PCDHGA4: variants seen among roughly 807,000 people sequenced by gnomAD.
PCDHGA4 encodes protocadherin gamma subfamily A, 4, also known as protocadherin gamma-A4.
PCDHGA4 carries 38 observed loss-of-function variants against 54.6 expected under a neutral mutation model. That is an observed-to-expected ratio of 0.70 (90% CI 0.54 to 0.91). The LOEUF (loss-of-function observed/expected upper bound fraction) is 0.91, where lower values mean the gene tolerates loss of function less well. PCDHGA4 is among the 40% of genes least tolerant of loss of function. The probability of loss-of-function intolerance (pLI) is 0.00; values close to 1 mark genes in which losing one functional copy is unlikely to be tolerated. For synonymous variants in PCDHGA4, 511 were observed against 512.9 expected, an observed-to-expected ratio of 1.00 and a Z score of 0.05; for missense variants, 1,298 against 1,220.9, an observed-to-expected ratio of 1.06 and a Z score of -0.94.
At chr5:141,455,360 A>C (rs2098820130) in intron 1 of PCDHGA4, among the ~76,000 whole-genome samples, 1 of 152,112 alleles carries the variant, frequency 6.6e-6, no homozygotes, top group Non-Finnish European at 1.5e-5. Context: ...TTAATAGGCA[A>C]GAAGGAAGGG....
intron 1 of PCDHGA4, chr5:141,428,598 C>T (rs2097150047): frequency 4.5e-6 from 1 of 224,296 alleles, no homozygotes; most frequent in African/African-American, 2.3e-5. Context: ...TAGCAAGCTT[C>T]ACTGAAGAGA....
intron 1 of PCDHGA4, among the ~76,000 whole-genome samples, chr5:141,444,872 G>T (rs2098449555): frequency 6.6e-6 from 1 of 152,120 alleles, no homozygotes. Context: ...ACAGGACAAA[G>T]CTTGTAGGAT....
At chr5:141,408,297 C>G in intron 1 of PCDHGA4, 1 of 1,613,652 alleles carries the variant, frequency 6.2e-7, no homozygotes, top group East Asian at 2.2e-5. Flanking sequence ...CTGAGTGAGC[C>G]GATCCGCTAC....
chr5:141,361,643 C>T, intron 1 of PCDHGA4: 1 of 1,613,858 alleles, frequency 6.2e-7, no homozygotes, highest in Non-Finnish European at 8.5e-7. Context: ...GAGATTTTAT[C>T]CTACGTGTCC....
At chr5:141,413,117 C>T (rs902301902) in intron 1 of PCDHGA4, 42 of 1,509,002 alleles carry the variant, frequency 2.8e-5, no homozygotes, top group Non-Finnish European at 3.6e-5. Flanking sequence ...ACAAAGGAAC[C>T]GGTTGAAACA....
chr5:141,440,527 T>G (rs1282939317), intron 1 of PCDHGA4: 3 of 152,222 alleles, frequency 2.0e-5, no homozygotes, highest in African/African-American at 7.2e-5. Context: ...TGAAGAATCA[T>G]GCACCACGGT....
At chr5:141,405,868 C>T (rs528188485) in intron 1 of PCDHGA4, among the ~76,000 whole-genome samples, 1 of 152,280 alleles carries the variant, frequency 6.6e-6, no homozygotes, top group Non-Finnish European at 1.5e-5. Context: ...TCACTTTTCA[C>T]TGGGCCTAAT....
intron 1 of PCDHGA4, chr5:141,428,464 G>A (rs904800167): frequency 1.1e-4 from 37 of 344,652 alleles, no homozygotes; most frequent in African/African-American, 6.3e-4. Context: ...CTACAATGAG[G>A]GAACTTTGCT....
rs772195653 is a variant in PCDHGA4 at position 141,477,704 on chromosome 5, C to A, written c.2515-17103C>A. On this transcript the variant is annotated intron_variant, in intron 1 of 3. Transcript: ENST00000571252. The surrounding 1 kb of genome is among the most constrained non-coding windows in gnomAD (Gnocchi z 4.9). ...CTTAGTGCCCCTAGACTATGAGGAT[C>A]GGCGGGAATTTGAATTAACAGCTCA... The A allele has an allele frequency of 5.0e-6, 8 of 1,613,850 alleles. No individual in the cohort carries two copies. Among genetic ancestry groups the A allele is most frequent in the Non-Finnish European group, 5.9e-6 (7 of 1,180,046 alleles).
intron 1 of PCDHGA4, chr5:141,428,021 C>T: frequency 1.2e-6 from 2 of 1,605,604 alleles, no homozygotes; most frequent in Non-Finnish European, 1.7e-6. Context: ...TGCCACGCGC[C>T]GCAGAGTCCG....
At position 141,490,516 on chromosome 5, in the gene PCDHGA4, G is replaced by T. The variant is rs768123119; in HGVS notation, c.2515-4291G>T. The T allele has an allele frequency of 6.2e-7, 1 of 1,613,828 alleles. No individual in the cohort carries two copies. The highest frequency in any genetic ancestry group is 2.2e-5 in the East Asian group (1 of 44,864). On this transcript the variant is annotated intron_variant, in intron 1 of 3. Transcript: ENST00000571252. This position sits in a 1 kb window ranked among gnomAD's most constrained non-coding sequence, Gnocchi z 5.4. ...ATCCCACTATATCATCGAGCTGCTG[G>T]CCAGCGATGCTGGTTCACCTTCCCT... is the stretch of plus-strand genomic sequence containing the variant.
rs1591094034 is a variant in PCDHGA4 at position 141,431,659 on chromosome 5, A to T, written c.2515-63148A>T. 3.7e-6 allele frequency: 6 copies of T among 1,614,246 alleles called. No individual in the cohort carries two copies. The highest frequency in any genetic ancestry group is 3.4e-6 in the Non-Finnish European group (4 of 1,180,036). On this transcript the variant is annotated intron_variant, in intron 1 of 3. Coordinates refer to ENST00000571252, the MANE Select transcript of PCDHGA4 (RefSeq NM_018917.4). This position sits in a 1 kb window ranked among gnomAD's most constrained non-coding sequence, Gnocchi z 4.8. ...TCAAACTAGATTGTAATTCAGGGAC[A>T]ATATCAACAATAGGGGAGTTGGACC...
intron 1 of PCDHGA4, among the ~76,000 whole-genome samples, chr5:141,454,658 G>A (rs961640658): frequency 7.2e-5 from 11 of 151,812 alleles, no homozygotes; most frequent in Admixed American, 6.6e-5. Context: ...TGCCCACCTC[G>A]GCCTCCCAAA....
intron 1 of PCDHGA4, among the ~76,000 whole-genome samples, chr5:141,436,469 G>A (rs376024456): frequency 6.6e-6 from 1 of 152,304 alleles, no homozygotes; most frequent in East Asian, 1.9e-4. Flanking sequence ...ATTTTCAGAT[G>A]TATCATAGAA....
At position 141,385,367 on chromosome 5, in the gene PCDHGA4, A is replaced by G. The variant is rs764038151; in HGVS notation, c.2514+27746A>G. 2.0e-5 allele frequency: 31 copies of G among 1,536,828 alleles called. 1 individual carries two copies. In the South Asian group the frequency reaches 3.9e-4, roughly 19 times the overall value. On this transcript the variant is annotated intron_variant, in intron 1 of 3. Coordinates refer to ENST00000571252, the MANE Select transcript of PCDHGA4 (RefSeq NM_018917.4). ...TTATTTCCATGAGGAATTTATTTGCATGATATTTCTCTATTATTTTGCAAA... is the reference window on the plus strand; with the variant it reads ...TTATTTCCATGAGGAATTTATTTGCGTGATATTTCTCTATTATTTTGCAAA...
At chr5:141,475,161 A>G (rs1433985907) in intron 1 of PCDHGA4, among the ~76,000 whole-genome samples, 1 of 152,138 alleles carries the variant, frequency 6.6e-6, no homozygotes, top group Non-Finnish European at 1.5e-5. Context: ...CTTCTTCATT[A>G]GCAGTGCAAC....
At chr5:141,480,652 A>C (rs1488188393) in intron 1 of PCDHGA4, among the ~76,000 whole-genome samples, 4 of 152,220 alleles carry the variant, frequency 2.6e-5, no homozygotes, top group Non-Finnish European at 5.9e-5. Context: ...TTGGTTGCAC[A>C]TTAAAATCAC....
Position 141,355,168 on chromosome 5 carries a change from C to G in PCDHGA4, c.61C>G (p.Pro21Ala), listed in dbSNP as rs767745541. The change falls in exon 1 of 4, where the codon CCG becomes GCG. Residue 21 changes from proline (P) to alanine (A), a missense_variant. Transcript: ENST00000571252. ...TCCTCAGGCCTCGACAGAGGGAAAA[C>G]CGAAGCACAGGCGACTCCGCGGCGG... ...GAPQASTEGK[P>A]KHRRLRGGVV... The G allele has an allele frequency of 1.3e-6, 2 of 1,568,276 alleles. No individual in the cohort carries two copies. The highest frequency in any genetic ancestry group is 1.8e-5 in the Admixed American group (1 of 54,112).
At position 141,432,349 on chromosome 5, in the gene PCDHGA4, G is replaced by T; in HGVS notation, c.2515-62458G>T. On this transcript the variant is annotated intron_variant, in intron 1 of 3. Transcript: ENST00000571252. This position sits in a 1 kb window ranked among gnomAD's most constrained non-coding sequence, Gnocchi z 6.0. Reference sequence around the variant, plus strand: ...ACGAGCAGTTCCGAGACTTGCAAGTGAAAGTGATGGCGCGGGACAACGGGC... The same window carrying T: ...ACGAGCAGTTCCGAGACTTGCAAGTTAAAGTGATGGCGCGGGACAACGGGC... 4 of 1,614,240 alleles carry T rather than the reference G, an allele frequency of 2.5e-6. No homozygotes were observed. Among genetic ancestry groups the T allele is most frequent in the Non-Finnish European group, 1.7e-6 (2 of 1,180,046 alleles).
Sources: gnomAD v4.1 joint callset for allele counts (sites outside exome capture counted in the v4.1 genomes callset) on GRCh38, gnomAD v4.1.1 for gene constraint, Gnocchi (gnomAD v3.1) non-coding constraint, MANE v1.5 for transcripts, NCBI Gene and HGNC (gene_info 2026-07-23, HGNC 2026-07-21) for gene names.